PCSK5: variants seen among roughly 807,000 people sequenced by gnomAD.
The protein encoded by PCSK5 is prohormone convertase 5.
A neutral mutation model predicts 233.2 loss-of-function variants in PCSK5; 129 were observed. The observed-to-expected ratio is 0.55, with a 90% CI of 0.48 to 0.64. The LOEUF (loss-of-function observed/expected upper bound fraction) is 0.64. Among genes scored for constraint, PCSK5 ranks in the 30% least tolerant of loss-of-function variants. The probability of loss-of-function intolerance (pLI) is 0.00; values close to 1 mark genes in which losing one functional copy is unlikely to be tolerated. For synonymous variants in PCSK5, 825 were observed against 879.2 expected (o/e 0.94, Z 1.09); for missense variants, 2,076 against 2,430.1 (o/e 0.85, Z 3.06).
At chr9:76,182,879 C>T (rs1254609054) in intron 16 of PCSK5, among the ~76,000 whole-genome samples, 2 of 152,148 alleles carry the variant, frequency 1.3e-5, no homozygotes, top group African/African-American at 4.8e-5. Context: ...TAAAATCAGA[C>T]AAGAAATCTG....
At chr9:76,247,596 A>T (rs761123110) in intron 24 of PCSK5, among the ~76,000 whole-genome samples, 2 of 152,186 alleles carry the variant, frequency 1.3e-5, no homozygotes, top group Non-Finnish European at 2.9e-5. Context: ...CAGCCTAGGA[A>T]ATCCAGCTAG....
chr9:76,145,807 T>C (rs908734206), intron 10 of PCSK5, among the ~76,000 whole-genome samples: 11 of 152,332 alleles, frequency 7.2e-5, no homozygotes, highest in African/African-American at 2.6e-4. Context: ...AAAGATGGCT[T>C]AGCCTATCCT....
intron 20 of PCSK5, among the ~76,000 whole-genome samples, chr9:76,211,389 G>T (rs1374223936): frequency 6.6e-6 from 1 of 152,162 alleles, no homozygotes; most frequent in African/African-American, 2.4e-5. Context: ...ATTTGGAGAG[G>T]GAACAAGACA....
chr9:76,289,204 G>C (rs901386070), intron 24 of PCSK5, among the ~76,000 whole-genome samples: 1 of 152,046 alleles, frequency 6.6e-6, no homozygotes, highest in African/African-American at 2.4e-5. Flanking sequence ...CCGTCCTGAC[G>C]AGGCATCTGC....
intron 2 of PCSK5, among the ~76,000 whole-genome samples, chr9:75,945,892 A>G (rs1824545682): frequency 6.6e-6 from 1 of 152,208 alleles, no homozygotes; most frequent in East Asian, 1.9e-4. Flanking sequence ...TTGCTAAGGT[A>G]GATCTTTAAT....
intron 22 of PCSK5, among the ~76,000 whole-genome samples, chr9:76,238,089 G>A (rs1826307311): frequency 6.6e-6 from 1 of 152,262 alleles, no homozygotes; most frequent in South Asian, 2.1e-4. Flanking sequence ...TCAGAGGCAG[G>A]GACATGTGGG....
intron 20 of PCSK5, among the ~76,000 whole-genome samples, chr9:76,191,697 C>G (rs1824387544): frequency 6.6e-6 from 1 of 152,162 alleles, no homozygotes; most frequent in Non-Finnish European, 1.5e-5. Context: ...GCTGATTCTA[C>G]TATAGCACAC....
chr9:75,982,309 A>G (rs4416887), intron 2 of PCSK5, among the ~76,000 whole-genome samples: 108,365 of 152,070 alleles, frequency 0.71, 39,029 homozygotes, highest in East Asian at 0.82. Flanking sequence ...GCACATTCAC[A>G]TGTGTACATA....
chr9:76,120,628 T>G (rs1204914107), intron 9 of PCSK5, among the ~76,000 whole-genome samples: 2 of 152,072 alleles, frequency 1.3e-5, no homozygotes, highest in Non-Finnish European at 2.9e-5. Flanking sequence ...TATTTTTATA[T>G]GTTTTTCTTA....
chr9:75,963,753 C>T (rs1255928396), intron 2 of PCSK5, among the ~76,000 whole-genome samples: 2 of 152,200 alleles, frequency 1.3e-5, no homozygotes, highest in Non-Finnish European at 2.9e-5. Context: ...GTGGCACGCT[C>T]CTGTAATCCC....
intron 20 of PCSK5, chr9:76,195,494 T>TTTAAC (rs1273652337): frequency 2.0e-5 from 3 of 152,210 alleles, no homozygotes; most frequent in Non-Finnish European, 4.4e-5. Context: ...GAAATACTGG[T>TTTAAC]TTAACTACTA....
chr9:76,222,169 G>A (rs1402148755), intron 20 of PCSK5, among the ~76,000 whole-genome samples: 2 of 150,078 alleles, frequency 1.3e-5, no homozygotes, highest in Non-Finnish European at 3.0e-5. Flanking sequence ...ATTATCACAG[G>A]AGGTCTCCCA....
chr9:76,291,214 A>T (rs1046955636), intron 24 of PCSK5, among the ~76,000 whole-genome samples: 9 of 152,238 alleles, frequency 5.9e-5, no homozygotes, highest in Non-Finnish European at 1.5e-5. Flanking sequence ...ACCCAAGATG[A>T]ACGTGTGACT....
chr9:76,279,361 C>T (rs1435243958), intron 24 of PCSK5, among the ~76,000 whole-genome samples: 13 of 149,080 alleles, frequency 8.7e-5, no homozygotes, highest in East Asian at 2.0e-4. Context: ...TGAATAATGC[C>T]GCAATAAACA....
intron 10 of PCSK5, among the ~76,000 whole-genome samples, chr9:76,147,896 A>G (rs911251723): frequency 1.3e-5 from 2 of 152,058 alleles, no homozygotes; most frequent in African/African-American, 2.4e-5. Flanking sequence ...CCATGACCCT[A>G]TGTTTTCAAA....
At position 76,095,804 on chromosome 9, in the gene PCSK5, A is replaced by T; in HGVS notation, c.895-86A>T. The T allele has an allele frequency of 1.8e-5, 21 of 1,158,614 alleles. 1 individual carries two copies. The South Asian group carries it at 2.6e-4, about 15-fold the overall frequency. 71.8% of individuals were successfully genotyped at this position (1,158,614 alleles called of 1,614,324 possible). ...TAAGATAGCAACACACCCCACCTGC[A>T]CCTACTCAGTTTGGCTCAGTGGATT... On this transcript the variant is annotated intron_variant, in intron 7 of 37. Coordinates refer to ENST00000674117, the MANE Select transcript of PCSK5 (RefSeq NM_001372043.1).
intron 5 of PCSK5, among the ~76,000 whole-genome samples, chr9:76,057,565 C>T (rs1383234082): frequency 2.0e-5 from 3 of 152,078 alleles, no homozygotes; most frequent in Non-Finnish European, 2.9e-5. Context: ...ATTTCACTCT[C>T]TCCCAAAAAT....
At chr9:75,929,859 C>T (rs1200152877) in intron 1 of PCSK5, among the ~76,000 whole-genome samples, 2 of 148,148 alleles carry the variant, frequency 1.3e-5, no homozygotes, top group Admixed American at 6.7e-5. Flanking sequence ...ACTGTCAGAT[C>T]TCTTTTTTTT....
intron 2 of PCSK5, among the ~76,000 whole-genome samples, chr9:75,944,651 G>C (rs1044217066): frequency 6.6e-6 from 1 of 152,036 alleles, no homozygotes; most frequent in Non-Finnish European, 1.5e-5. Flanking sequence ...TGTAAAGTTT[G>C]GAGAGCCCAG....
Sources: allele counts gnomAD v4.1 joint callset (sites outside exome capture counted in the v4.1 genomes callset), GRCh38; gene constraint gnomAD v4.1.1; transcripts MANE v1.5; gene names NCBI Gene and HGNC (gene_info 2026-07-23, HGNC 2026-07-21).